Variants in PTPRD observed in about 807,000 individuals in gnomAD.
PTPRD encodes the protein receptor-type tyrosine-protein phosphatase delta.
Under a neutral mutation model 214.5 loss-of-function variants are expected in PTPRD, and 34 were observed. The observed-to-expected ratio is 0.16, with a 90% confidence interval of 0.12 to 0.21. The LOEUF (loss-of-function observed/expected upper bound fraction) is 0.21, where lower values mean the gene tolerates loss of function less well. Ranked by LOEUF, PTPRD falls within the 10% of genes least tolerant of loss-of-function variation. The pLI is 1.00. For missense variants in PTPRD, 2,545 were observed against 2,398.7 expected (o/e 1.06, Z -1.27); for synonymous variants, 1,128 against 845.7 (o/e 1.33, Z -5.79).
intron 9 of PTPRD, among the ~76,000 whole-genome samples, chr9:9,275,146 TA>T (rs1166789610): frequency 1.0e-3 from 58 of 55,754 alleles, no homozygotes; most frequent in Non-Finnish European, 1.0e-3. Context: ...AATATATATA[TA>T]ATATATTATA....
At chr9:9,335,480 T>C (rs2044080827) in intron 9 of PTPRD, among the ~76,000 whole-genome samples, 1 of 152,136 alleles carries the variant, frequency 6.6e-6, no homozygotes, top group African/African-American at 2.4e-5. Context: ...AAACCCATCT[T>C]TTCACTTGTA....
intron 9 of PTPRD, among the ~76,000 whole-genome samples, chr9:9,219,102 C>T (rs1004479760): frequency 6.6e-6 from 1 of 152,058 alleles, no homozygotes; most frequent in Non-Finnish European, 1.5e-5. Flanking sequence ...ATTACATATG[C>T]ATAAGCTTAT....
At chr9:8,783,086 G>C (rs747831491) in intron 11 of PTPRD, among the ~76,000 whole-genome samples, 4 of 152,082 alleles carry the variant, frequency 2.6e-5, no homozygotes, top group Non-Finnish European at 4.4e-5. Context: ...CAAGAAGTTC[G>C]AGCAAATTAC....
At chr9:10,573,253 T>C (rs914462629) in intron 2 of PTPRD, among the ~76,000 whole-genome samples, 8 of 152,210 alleles carry the variant, frequency 5.3e-5, no homozygotes, top group Non-Finnish European at 8.8e-5. Context: ...TTTTTTACTT[T>C]ATCAATAAAA....
chr9:9,500,324 G>A (rs2096366731), intron 8 of PTPRD, among the ~76,000 whole-genome samples: 1 of 152,084 alleles, frequency 6.6e-6, no homozygotes, highest in South Asian at 2.1e-4. Flanking sequence ...TCAGGCACTG[G>A]ACGATATGCA....
At chr9:8,464,636 G>A (rs987936082) in intron 32 of PTPRD, among the ~76,000 whole-genome samples, 5 of 151,416 alleles carry the variant, frequency 3.3e-5, no homozygotes, top group African/African-American at 1.2e-4. Flanking sequence ...AGAAAACGAA[G>A]TTTATAATAT....
intron 39 of PTPRD, among the ~76,000 whole-genome samples, chr9:8,355,974 T>C (rs901713813): frequency 3.3e-5 from 5 of 152,208 alleles, no homozygotes; most frequent in Admixed American, 1.3e-4. Context: ...CATATGTGTG[T>C]GTTTACATAC....
chr9:10,549,835 TA>T (rs1260049974), intron 2 of PTPRD, among the ~76,000 whole-genome samples: 1 of 152,014 alleles, frequency 6.6e-6, no homozygotes, highest in Admixed American at 6.6e-5. Flanking sequence ...TAATTTAGAT[TA>T]AAAGGTAATG....
chr9:10,278,447 T>C (rs1449705136), intron 3 of PTPRD, among the ~76,000 whole-genome samples: 2 of 152,112 alleles, frequency 1.3e-5, no homozygotes, highest in Admixed American at 1.3e-4. Context: ...TTTGCTGCAT[T>C]GCCTCCCTCC....
chr9:8,322,971 A>G (rs1289333238), intron 44 of PTPRD, among the ~76,000 whole-genome samples: 3 of 152,184 alleles, frequency 2.0e-5, no homozygotes, highest in Non-Finnish European at 4.4e-5. Context: ...AGTGAAAGGA[A>G]GAGTTATACA....
chr9:8,615,263 G>A (rs530990755), intron 14 of PTPRD, among the ~76,000 whole-genome samples: 1 of 152,200 alleles, frequency 6.6e-6, no homozygotes, highest in South Asian at 2.1e-4. Context: ...ACGGCTCAGA[G>A]AATATACCTC....
chr9:10,554,416 A>C (rs1481139971), intron 2 of PTPRD, among the ~76,000 whole-genome samples: 1 of 152,078 alleles, frequency 6.6e-6, no homozygotes, highest in Non-Finnish European at 1.5e-5. Context: ...TGTGGCTTTA[A>C]AACATACTTA....
At chr9:10,033,153 A>C (rs2097113684) in intron 4 of PTPRD, among the ~76,000 whole-genome samples, 1 of 151,504 alleles carries the variant, frequency 6.6e-6, no homozygotes, top group African/African-American at 2.4e-5. Context: ...ACAAACCTAC[A>C]TGCTCTTAAA....
At chr9:9,406,844 TTTC>T (rs1387375631) in intron 8 of PTPRD, among the ~76,000 whole-genome samples, 44 of 36,728 alleles carry the variant, frequency 1.2e-3, no homozygotes, top group East Asian at 8.2e-3. Flanking sequence ...CTCTTTCTTC[TTTC>T]TTTTTTTTTT....
intron 11 of PTPRD, among the ~76,000 whole-genome samples, chr9:8,948,481 T>TTATATATATTTA (rs2099081985): frequency 6.6e-5 from 1 of 15,242 alleles, no homozygotes; most frequent in African/African-American, 1.5e-4. Flanking sequence ...ATATATATAT[T>TTATATATATTTA]TATATATATA....
chr9:8,879,875 G>A (rs1333814538), intron 11 of PTPRD, among the ~76,000 whole-genome samples: 1 of 152,140 alleles, frequency 6.6e-6, no homozygotes, highest in African/African-American at 2.4e-5. Context: ...GTGTTTCTAG[G>A]TACACTAAAA....
intron 8 of PTPRD, among the ~76,000 whole-genome samples, chr9:9,451,672 C>A (rs984082532): frequency 6.6e-6 from 1 of 151,362 alleles, no homozygotes; most frequent in Non-Finnish European, 1.5e-5. Context: ...AAATTAACAA[C>A]CAAACAAAAG....
intron 10 of PTPRD, among the ~76,000 whole-genome samples, chr9:9,151,401 A>T (rs2099876633): frequency 6.6e-6 from 1 of 152,164 alleles, no homozygotes; most frequent in Non-Finnish European, 1.5e-5. Context: ...TGAGATCCCT[A>T]TTTCTAAGTG....
At chr9:10,562,142 T>C (rs548417359) in intron 2 of PTPRD, among the ~76,000 whole-genome samples, 2 of 152,240 alleles carry the variant, frequency 1.3e-5, no homozygotes, top group African/African-American at 2.4e-5. Flanking sequence ...ATCCTATATG[T>C]GAGACATCCA....
Sources: allele counts gnomAD v4.1 joint callset (sites outside exome capture counted in the v4.1 genomes callset), GRCh38; gene constraint gnomAD v4.1.1; transcripts MANE v1.5; gene names NCBI Gene and HGNC (gene_info 2026-07-23, HGNC 2026-07-21).